Variants in RORA observed in about 807,000 individuals in gnomAD.
The protein encoded by RORA is nuclear receptor ROR-alpha.
RORA carries 7 observed loss-of-function variants against 69.5 expected under a neutral mutation model. The observed-to-expected ratio is 0.10, with a 90% CI of 0.06 to 0.19. The LOEUF is 0.19. Among genes scored for constraint, RORA ranks in the 10% least tolerant of loss-of-function variants. RORA has a pLI of 1.00. For synonymous variants in RORA, 261 were observed against 240.8 expected, an observed-to-expected ratio of 1.08 and a Z score of -0.78; for missense variants, 457 against 663.0, an observed-to-expected ratio of 0.69 and a Z score of 3.41.
At chr15:61,097,166 G>C (rs528394551) in intron 1 of RORA, among the ~76,000 whole-genome samples, 6 of 152,192 alleles carry the variant, frequency 3.9e-5, no homozygotes, top group Non-Finnish European at 8.8e-5. Context: ...TGTGGAGGAA[G>C]CAGGATTTGA....
chr15:60,590,963 G>C (rs879446457), intron 2 of RORA, among the ~76,000 whole-genome samples: 1 of 152,182 alleles, frequency 6.6e-6, no homozygotes, highest in African/African-American at 2.4e-5. Context: ...GTTTCGGCCT[G>C]TTAATAATTA....
chr15:61,098,662 C>T (rs1354746582), intron 1 of RORA, among the ~76,000 whole-genome samples: 2 of 152,172 alleles, frequency 1.3e-5, no homozygotes, highest in African/African-American at 4.8e-5. Context: ...TAACATCAAG[C>T]TGTAAAGGGC....
At chr15:60,921,925 T>C (rs945287571) in intron 1 of RORA, among the ~76,000 whole-genome samples, 5 of 152,136 alleles carry the variant, frequency 3.3e-5, no homozygotes, top group African/African-American at 7.2e-5. Flanking sequence ...ATGGACAATA[T>C]TGAATATACA....
At chr15:60,806,475 T>C (rs1384074998) in intron 1 of RORA, among the ~76,000 whole-genome samples, 1 of 152,242 alleles carries the variant, frequency 6.6e-6, no homozygotes, top group Non-Finnish European at 1.5e-5. Context: ...AGAACTCTTA[T>C]CAGTATTACT....
At chr15:60,916,812 G>A (rs8036866) in intron 1 of RORA, among the ~76,000 whole-genome samples, 16,224 of 152,194 alleles carry the variant, frequency 0.11, 1,104 homozygotes, top group African/African-American at 0.19. Context: ...GGAGTTAACT[G>A]CACGGTGAGC....
At chr15:61,002,792 G>C (rs1894782676) in intron 1 of RORA, among the ~76,000 whole-genome samples, 1 of 152,054 alleles carries the variant, frequency 6.6e-6, no homozygotes, top group Admixed American at 6.6e-5. Context: ...AATAACTTGA[G>C]CTTACCAGTG....
At chr15:61,130,253 G>A (rs1291680924) in intron 1 of RORA, among the ~76,000 whole-genome samples, 1 of 152,130 alleles carries the variant, frequency 6.6e-6, no homozygotes, top group African/African-American at 2.4e-5. Flanking sequence ...GTTTTGGAAG[G>A]GATGAGATAA....
In RORA at chr15:61,147,799, T is replaced by G. The variant is rs2079363606; in HGVS notation, c.166+81254A>C. Among the ~76,000 whole-genome samples the G allele has an allele frequency of 1.6e-5, 1 of 64,256 alleles. No homozygotes were observed. The highest frequency in any genetic ancestry group is 1.3e-4 in the Admixed American group (1 of 7,736). The allele number at this position is 64,256 out of a possible 152,430, so 42.2% of individuals were successfully genotyped here. ...TGTGTGTGTGTGTGTGTGTGTGAAA[T>G]CTTTAGGTTTTTTTACCTGCCTCCT... On this transcript the variant is annotated intron_variant, in intron 1 of 10. Coordinates refer to ENST00000335670, the MANE Select transcript of RORA (RefSeq NM_134261.3). The surrounding 1 kb of genome is among the most constrained non-coding windows in gnomAD (Gnocchi z 4.1).
intron 1 of RORA, among the ~76,000 whole-genome samples, chr15:60,819,461 C>T (rs2072859571): frequency 6.6e-6 from 1 of 152,096 alleles, no homozygotes; most frequent in Admixed American, 6.5e-5. Flanking sequence ...CATTCCTGGG[C>T]CTGCCTTTGT....
chr15:60,661,073 G>A (rs2070296424), intron 2 of RORA, among the ~76,000 whole-genome samples: 1 of 128,928 alleles, frequency 7.8e-6, no homozygotes, highest in Non-Finnish European at 1.6e-5. Context: ...AAAAAAAATA[G>A]AGGAGTTATT....
At chr15:61,197,109 G>C (rs753448238) in intron 1 of RORA, among the ~76,000 whole-genome samples, 1 of 152,206 alleles carries the variant, frequency 6.6e-6, no homozygotes, top group Non-Finnish European at 1.5e-5. Context: ...GTTACTTCCC[G>C]GTGCCACACC....
intron 1 of RORA, among the ~76,000 whole-genome samples, chr15:61,066,245 A>C (rs1001690024): frequency 6.6e-6 from 1 of 152,136 alleles, no homozygotes; most frequent in South Asian, 2.1e-4. Context: ...CCAGAAAGGA[A>C]CATGACTCTG....
intron 1 of RORA, among the ~76,000 whole-genome samples, chr15:60,774,622 C>T (rs2072133633): frequency 1.3e-5 from 2 of 152,184 alleles, no homozygotes; most frequent in Admixed American, 6.5e-5. Context: ...AACGGATGCA[C>T]CCATATCTAG....
rs1432075696 is a variant in RORA, at chr15:60,827,016, GTAGGAGTA to G, written c.167-148338_167-148331del. On this transcript the variant is annotated intron_variant, in intron 1 of 10. Transcript: ENST00000335670. The stretch of plus-strand genomic sequence containing the variant: ...GATGTGAGTATAATATCAAGTTCTT[GTAGGAGTA>G]TAACATTAAGCCCAGTTGAAAAACA... 2.0e-5 allele frequency among the ~76,000 whole-genome samples: 3 copies of G among 152,240 alleles called. No homozygotes were observed. In the East Asian group the frequency reaches 5.8e-4, roughly 29 times the overall value.
chr15:60,570,430 G>C (rs187569714), intron 2 of RORA, among the ~76,000 whole-genome samples: 1 of 152,034 alleles, frequency 6.6e-6, no homozygotes, highest in Non-Finnish European at 1.5e-5. Flanking sequence ...CCCCAGCCTC[G>C]GGTTATCCTC....
intron 2 of RORA, among the ~76,000 whole-genome samples, chr15:60,665,701 C>A (rs2140725880): frequency 6.6e-6 from 1 of 151,958 alleles, no homozygotes; most frequent in East Asian, 1.9e-4. Flanking sequence ...TCTTTCTTTT[C>A]TTTTTTTTGA....
At chr15:61,187,237 G>A (rs536638761) in intron 1 of RORA, among the ~76,000 whole-genome samples, 1 of 152,184 alleles carries the variant, frequency 6.6e-6, no homozygotes, top group Non-Finnish European at 1.5e-5. Context: ...GAATATCCCC[G>A]TTACTACTAA....
At chr15:60,540,288 T>A (rs1426311662) in intron 2 of RORA, among the ~76,000 whole-genome samples, 1 of 152,230 alleles carries the variant, frequency 6.6e-6, no homozygotes, top group Non-Finnish European at 1.5e-5. Flanking sequence ...TTTGCTTTCA[T>A]TGCTCAAGGT....
chr15:60,901,387 G>C (rs939767105), intron 1 of RORA, among the ~76,000 whole-genome samples: 2 of 152,212 alleles, frequency 1.3e-5, no homozygotes, highest in Non-Finnish European at 2.9e-5. Context: ...GGCCAGGCCA[G>C]TCTCGAACTC....
Sources: gnomAD v4.1 joint callset for allele counts (sites outside exome capture counted in the v4.1 genomes callset) on GRCh38, gnomAD v4.1.1 for gene constraint, Gnocchi (gnomAD v3.1) non-coding constraint, MANE v1.5 for transcripts, NCBI Gene and HGNC (gene_info 2026-07-23, HGNC 2026-07-21) for gene names.